The following APOL4 variants were observed in gnomAD, a reference collection of about 807,000 sequenced individuals.
The protein encoded by APOL4 is apolipoprotein L, 4.
APOL4 carries 14 observed loss-of-function variants against 12.1 expected under a neutral mutation model. The ratio of observed to expected loss-of-function variants is 1.16; its 90% CI spans 0.76 to 1.81. The LOEUF is 1.81. APOL4 is among the 40% of genes most tolerant of loss of function. The pLI, the probability that APOL4 is intolerant of heterozygous loss-of-function variation, is 0.00. For missense variants in APOL4, 432 were observed against 423.1 expected, an observed-to-expected ratio of 1.02 and a Z score of -0.18; for synonymous variants, 171 against 160.6, an observed-to-expected ratio of 1.06 and a Z score of -0.49.
chr22:36,195,156 G>A, intron 3 of APOL4, 155 bp downstream of exon 3: 1 of 971,722 alleles, frequency 1.0e-6, no homozygotes, highest in Non-Finnish European at 1.5e-6. Context: ...CGAAGCACTT[G>A]GAGGAAATAT....
chr22:36,199,903 G>T (rs9610442), intron 1 of APOL4, among the ~76,000 whole-genome samples: 2,293 of 152,274 alleles, frequency 0.015, 19 homozygotes, highest in East Asian at 0.034. Flanking sequence ...CGCCTCCCAG[G>T]TTCACGCCAT....
intron 1 of APOL4, among the ~76,000 whole-genome samples, chr22:36,201,421 G>A (rs116763330): frequency 0.037 from 5,629 of 151,076 alleles, 316 homozygotes; most frequent in African/African-American, 0.13. Context: ...CAGACACACA[G>A]ATGTCTGTCT....
At chr22:36,195,780 A>T (rs754984403) in intron 2 of APOL4, among the ~76,000 whole-genome samples, 6,077 of 58,500 alleles carry the variant, frequency 0.1, 139 homozygotes, top group South Asian at 0.32. Flanking sequence ...TCTCTCTCAC[A>T]CACACACACA....
chr22:36,198,954 T>C (rs1342722422), intron 2 of APOL4, among the ~76,000 whole-genome samples: 1 of 152,176 alleles, frequency 6.6e-6, no homozygotes, highest in Non-Finnish European at 1.5e-5. Context: ...AGGTCAGGGC[T>C]GCTGGTCAAC....
intron 2 of APOL4, among the ~76,000 whole-genome samples, chr22:36,195,772 TCTCTCACACACACACACACACACA>T (rs1436295333): frequency 7.1e-6 from 1 of 140,114 alleles, no homozygotes; most frequent in Non-Finnish European, 1.6e-5. Context: ...TCTCTCTCTC[TCTCTCACACACACACACACACACA>T]CACACACACA....
At chr22:36,199,655 G>A in intron 1 of APOL4, 1 of 1,551,146 alleles carries the variant, frequency 6.4e-7, no homozygotes, top group South Asian at 1.2e-5. Context: ...GCAGCCATCT[G>A]ATCATTACAG....
chr22:36,199,072 A>G (rs566630754), intron 2 of APOL4, among the ~76,000 whole-genome samples: 1 of 152,304 alleles, frequency 6.6e-6, no homozygotes, highest in African/African-American at 2.4e-5. Flanking sequence ...GCTAGGTGTC[A>G]GGGTAGGGAG....
upstream of APOL4, chr22:36,204,650 G>T: frequency 1.3e-6 from 1 of 757,886 alleles, no homozygotes; most frequent in South Asian, 2.2e-5. Flanking sequence ...CTCTGACAGA[G>T]ACTGAGCAAG....
chr22:36,194,552 C>G (rs1362366783), intron 3 of APOL4, among the ~76,000 whole-genome samples: 2 of 152,172 alleles, frequency 1.3e-5, no homozygotes, highest in Non-Finnish European at 2.9e-5. Context: ...TGGTTCCCCA[C>G]CTTTGACCTG....
At chr22:36,203,938 G>C (rs911356181), upstream of APOL4, among the ~76,000 whole-genome samples, 6 of 152,178 alleles carry the variant, frequency 3.9e-5, no homozygotes, top group Non-Finnish European at 8.8e-5. Context: ...TCCCATTAGG[G>C]ACACAGCACA....
chr22:36,192,798 C>T (rs912608244), intron 3 of APOL4, among the ~76,000 whole-genome samples: 2 of 152,170 alleles, frequency 1.3e-5, no homozygotes, highest in Admixed American at 6.5e-5. Context: ...ATCTGCCTTC[C>T]AGAGGAACTG....
At chr22:36,202,970 A>G (rs544258857), upstream of APOL4, among the ~76,000 whole-genome samples, 23 of 152,316 alleles carry the variant, frequency 1.5e-4, no homozygotes, top group African/African-American at 5.5e-4. Context: ...GTAATCCAAC[A>G]GTGTCCAGGT....
rs771338528 is a variant in APOL4 at position 36,191,481 on chromosome 22, G to A, written c.641C>T (p.Ala214Val). 5 of 1,613,954 alleles carry A rather than the reference G, an allele frequency of 3.1e-6. No individual in the cohort carries two copies. In the Admixed American group the frequency reaches 6.7e-5, roughly 22 times the overall value. ...LTATSTDQLE[A>V]LRDILRDITP... ...GATGTCACGCAGAATGTCCCTTAATGCCTCCAATTGGTCAGTGCTGGTTGC... is the reference window on the plus strand; with the variant it reads ...GATGTCACGCAGAATGTCCCTTAATACCTCCAATTGGTCAGTGCTGGTTGC... The change falls in exon 4 of 4, where the codon GCA (alanine) becomes GTA (valine). Residue 214 changes from alanine to valine, a missense_variant. By Grantham distance (64) the Ala-to-Val change is moderately conservative (BLOSUM62 0). Transcript: ENST00000683024.
chr22:36,202,742 A>AAAAAG (rs2014622671), upstream of APOL4, among the ~76,000 whole-genome samples: 1 of 152,066 alleles, frequency 6.6e-6, no homozygotes, highest in Admixed American at 6.6e-5. Flanking sequence ...AAGAAAAAAA[A>AAAAAG]AAAAAGAAAA....
At chr22:36,192,704 A>G (rs2014295135) in intron 3 of APOL4, among the ~76,000 whole-genome samples, 1 of 152,190 alleles carries the variant, frequency 6.6e-6, no homozygotes, top group South Asian at 2.1e-4. Context: ...CCTGGTAGGA[A>G]CGTCTTTGTT....
intron 1 of APOL4, chr22:36,199,626 G>A: frequency 1.3e-6 from 2 of 1,552,322 alleles, no homozygotes; most frequent in Non-Finnish European, 8.7e-7. Context: ...AGAATGAGGA[G>A]AAGATAATCA....
At chr22:36,200,082 C>T (rs2014526977) in intron 1 of APOL4, among the ~76,000 whole-genome samples, 1 of 151,072 alleles carries the variant, frequency 6.6e-6, no homozygotes, top group Admixed American at 6.6e-5. Context: ...GCTGGGATTA[C>T]AGGCGTGAGC....
At chr22:36,203,862 T>C (rs1420210024), upstream of APOL4, among the ~76,000 whole-genome samples, 1 of 152,238 alleles carries the variant, frequency 6.6e-6, no homozygotes, top group Non-Finnish European at 1.5e-5. Context: ...ATTTTGTATT[T>C]ACAATAATCA....
At chr22:36,194,910 T>C (rs1374368588) in intron 3 of APOL4, among the ~76,000 whole-genome samples, 1 of 152,266 alleles carries the variant, frequency 6.6e-6, no homozygotes, top group Non-Finnish European at 1.5e-5. Flanking sequence ...CCCTGGTCTC[T>C]TGCCAGCAAG....
Sources: allele counts gnomAD v4.1 joint callset (sites outside exome capture counted in the v4.1 genomes callset), GRCh38; gene constraint gnomAD v4.1.1; transcripts MANE v1.5; gene names NCBI Gene and HGNC (gene_info 2026-07-23, HGNC 2026-07-21).